Variants in SLCO1A2 observed in about 807,000 individuals in gnomAD.
The protein encoded by SLCO1A2 is solute carrier organic anion transporter family member 1A2.
Under a neutral mutation model 69.0 loss-of-function variants are expected in SLCO1A2, and 67 were observed. The observed-to-expected ratio is 0.97, with a 90% CI of 0.80 to 1.19. The LOEUF is 1.19. SLCO1A2 is among the 50% of genes most tolerant of loss of function. The pLI, the probability that SLCO1A2 is intolerant of heterozygous loss-of-function variation, is 0.00. For synonymous variants in SLCO1A2, 260 were observed against 265.9 expected (o/e 0.98, Z 0.22); for missense variants, 787 against 793.7 (o/e 0.99, Z 0.10).
intron 2 of SLCO1A2, among the ~76,000 whole-genome samples, chr12:21,353,859 A>C (rs1308750391): frequency 2.0e-5 from 3 of 152,218 alleles, no homozygotes; most frequent in Non-Finnish European, 4.4e-5. Context: ...TCCCTAATTT[A>C]CCTTCCCTAG....
At position 21,318,792 on chromosome 12, in the gene SLCO1A2, G is replaced by A. The variant is rs1435741719; in HGVS notation, c.192C>T (p.Ser64=). ...AAAATAATTCATTACCAATCTCAAAGCTTCCATTAATGAATCCAACTAGAG... is the reference window on the plus strand; with the variant it reads ...AAAATAATTCATTACCAATCTCAAAACTTCCATTAATGAATCCAACTAGAG... ...PTSLVGFING[S]FEIGNLLLII... The change falls in exon 3 of 15, where the codon AGC becomes AGT. Residue 64 remains serine (S), a synonymous_variant. Transcript: ENST00000683939. 3 of 1,596,428 alleles carry A rather than the reference G, an allele frequency of 1.9e-6. No homozygotes were observed. Among genetic ancestry groups the A allele is most frequent in the Non-Finnish European group, 2.6e-6 (3 of 1,174,954 alleles).
At chr12:21,408,712 G>A (rs1041389601) in intron 1 of SLCO1A2, among the ~76,000 whole-genome samples, 2 of 93,716 alleles carry the variant, frequency 2.1e-5, no homozygotes, top group Non-Finnish European at 4.2e-5. Context: ...CTCAGCGCAT[G>A]CGTGTGTGTG....
At chr12:21,390,395 T>C (rs761270390) in intron 1 of SLCO1A2, among the ~76,000 whole-genome samples, 16 of 152,148 alleles carry the variant, frequency 1.1e-4, no homozygotes, top group Admixed American at 2.0e-4. Flanking sequence ...TTTTGAAAGA[T>C]AGCCTTTTAA....
chr12:21,392,868 C>T (rs959160532), intron 1 of SLCO1A2, among the ~76,000 whole-genome samples: 27 of 152,132 alleles, frequency 1.8e-4, no homozygotes, highest in African/African-American at 6.3e-4. Context: ...TTTGAAAAGC[C>T]AACCTCTCTG....
intron 8 of SLCO1A2, among the ~76,000 whole-genome samples, chr12:21,299,043 G>A (rs1948175652): frequency 6.6e-6 from 1 of 150,466 alleles, no homozygotes; most frequent in South Asian, 2.1e-4. Flanking sequence ...GTGCTAGAAT[G>A]TCTTTTACCT....
chr12:21,310,668 T>A (rs1024324374), intron 4 of SLCO1A2, among the ~76,000 whole-genome samples: 11 of 152,346 alleles, frequency 7.2e-5, no homozygotes, highest in African/African-American at 2.6e-4. Context: ...AGTGGCACGA[T>A]CTCGGCGCAC....
chr12:21,330,075 A>T (rs188614220), intron 2 of SLCO1A2, among the ~76,000 whole-genome samples: 69 of 152,226 alleles, frequency 4.5e-4, no homozygotes, highest in Middle Eastern at 3.4e-3. Context: ...ATAATTTGGT[A>T]GTGAAATATT....
chr12:21,326,646 A>G (rs1159548180), intron 2 of SLCO1A2, among the ~76,000 whole-genome samples: 2 of 152,204 alleles, frequency 1.3e-5, no homozygotes, highest in Non-Finnish European at 2.9e-5. Context: ...TTTAGTAAAA[A>G]GACTGGCAGC....
At chr12:21,331,183 T>C (rs1223552399) in intron 2 of SLCO1A2, among the ~76,000 whole-genome samples, 2 of 152,030 alleles carry the variant, frequency 1.3e-5, no homozygotes, top group African/African-American at 4.8e-5. Flanking sequence ...CTCTTGAAAC[T>C]CCACAGAGAA....
At chr12:21,345,369 G>A (rs1953219805) in intron 2 of SLCO1A2, among the ~76,000 whole-genome samples, 1 of 152,022 alleles carries the variant, frequency 6.6e-6, no homozygotes, top group Admixed American at 6.6e-5. Flanking sequence ...CTTGAACTAA[G>A]AATGGTCCAG....
At chr12:21,417,537 A>T (rs1186207396) in intron 1 of SLCO1A2, among the ~76,000 whole-genome samples, 1 of 151,416 alleles carries the variant, frequency 6.6e-6, no homozygotes, top group Non-Finnish European at 1.5e-5. Context: ...GCCTTAAAAG[A>T]GGGGAATTTG....
chr12:21,371,797 G>A (rs2137087146), intron 2 of SLCO1A2, among the ~76,000 whole-genome samples: 1 of 152,260 alleles, frequency 6.6e-6, no homozygotes, highest in African/African-American at 2.4e-5. Flanking sequence ...GAGGTTGGGA[G>A]TTCGAGACCA....
chr12:21,291,736 C>A (rs1946880746), intron 12 of SLCO1A2, among the ~76,000 whole-genome samples: 1 of 152,068 alleles, frequency 6.6e-6, no homozygotes, highest in Admixed American at 6.6e-5. Context: ...AAAAATGGAG[C>A]TCAGAAAGAT....
intron 1 of SLCO1A2, chr12:21,376,450 G>C (rs143743430): frequency 5.3e-6 from 1 of 189,298 alleles, no homozygotes; most frequent in Non-Finnish European, 1.2e-5. Context: ...ATGTACATTG[G>C]TCATATTTAT....
intron 1 of SLCO1A2, among the ~76,000 whole-genome samples, chr12:21,377,320 G>T (rs1940272047): frequency 6.6e-6 from 1 of 152,112 alleles, no homozygotes; most frequent in South Asian, 2.1e-4. Flanking sequence ...TGATAGATTT[G>T]ATTCTTTTGG....
intron 1 of SLCO1A2, among the ~76,000 whole-genome samples, chr12:21,391,162 A>C (rs1229282362): frequency 2.0e-5 from 3 of 152,216 alleles, no homozygotes; most frequent in Non-Finnish European, 4.4e-5. Flanking sequence ...TACTGAATTT[A>C]GATATTAGAC....
At chr12:21,344,019 C>A (rs886899096) in intron 2 of SLCO1A2, among the ~76,000 whole-genome samples, 1 of 152,012 alleles carries the variant, frequency 6.6e-6, no homozygotes, top group Non-Finnish European at 1.5e-5. Flanking sequence ...TAAATAGTGT[C>A]CTTTAAATAT....
At chr12:21,286,846 T>C (rs1257816497) in intron 12 of SLCO1A2, among the ~76,000 whole-genome samples, 2 of 148,054 alleles carry the variant, frequency 1.4e-5, no homozygotes, top group Non-Finnish European at 1.5e-5. Flanking sequence ...TTACACCTTA[T>C]ACAAAAATCA....
At chr12:21,349,148 T>C (rs1937730505) in intron 2 of SLCO1A2, among the ~76,000 whole-genome samples, 1 of 152,128 alleles carries the variant, frequency 6.6e-6, no homozygotes, top group Non-Finnish European at 1.5e-5. Context: ...GGCAATAATA[T>C]TTGTATTACA....
Sources: gnomAD v4.1 joint callset for allele counts (sites outside exome capture counted in the v4.1 genomes callset) on GRCh38, gnomAD v4.1.1 for gene constraint, MANE v1.5 for transcripts, NCBI Gene and HGNC (gene_info 2026-07-23, HGNC 2026-07-21) for gene names.